PEAK1: variants seen among roughly 807,000 people sequenced by gnomAD.
The protein encoded by PEAK1 is pseudopodium enriched atypical kinase 1.
PEAK1 carries 54 observed loss-of-function variants against 124.7 expected under a neutral mutation model. The observed-to-expected ratio is 0.43, with a 90% CI of 0.35 to 0.54. The LOEUF (loss-of-function observed/expected upper bound fraction) is 0.54. Ranked by LOEUF, PEAK1 falls within the 20% of genes least tolerant of loss-of-function variation. PEAK1 has a pLI of 0.01. For synonymous variants in PEAK1, 719 were observed against 760.0 expected (o/e 0.95, Z 0.89); for missense variants, 2,046 against 2,134.5 (o/e 0.96, Z 0.82).
intron 6 of PEAK1, among the ~76,000 whole-genome samples, chr15:77,189,457 G>A (rs1424422225): frequency 6.6e-6 from 1 of 152,142 alleles, no homozygotes; most frequent in Non-Finnish European, 1.5e-5. Context: ...AGCAGCAGCA[G>A]CAGCACTGTC....
At chr15:77,234,609 T>C (rs1288076472) in intron 6 of PEAK1, among the ~76,000 whole-genome samples, 1 of 152,080 alleles carries the variant, frequency 6.6e-6, no homozygotes, top group Non-Finnish European at 1.5e-5. Context: ...TCTCTAAGTA[T>C]ACACAGAAAT....
intron 8 of PEAK1, among the ~76,000 whole-genome samples, chr15:77,135,482 T>C (rs539427986): frequency 2.6e-5 from 4 of 152,334 alleles, no homozygotes; most frequent in African/African-American, 9.6e-5. Flanking sequence ...CCATATGGTA[T>C]AGCCCACTGC....
chr15:77,353,158 G>A (rs577806651), intron 2 of PEAK1, among the ~76,000 whole-genome samples: 1 of 152,156 alleles, frequency 6.6e-6, no homozygotes, highest in Non-Finnish European at 1.5e-5. Context: ...GCTATTCTGT[G>A]GCAAAGGCAT....
chr15:77,211,592 T>G (rs1221788086), intron 6 of PEAK1, among the ~76,000 whole-genome samples: 1 of 152,142 alleles, frequency 6.6e-6, no homozygotes, highest in Non-Finnish European at 1.5e-5. Context: ...TTCACGCCTG[T>G]AATCCCAGCA....
rs983270963 is a variant in PEAK1 at position 77,193,357 on chromosome 15, T to G, written c.-114-11317A>C. Among the ~76,000 whole-genome samples, 6 of 152,232 alleles carry G rather than the reference T, an allele frequency of 3.9e-5. No individual in the cohort carries two copies. In the East Asian group the frequency reaches 1.2e-3, roughly 29 times the overall value. On this transcript the variant is annotated intron_variant, in intron 6 of 9. Coordinates refer to ENST00000682557, the MANE Select transcript of PEAK1 (RefSeq NM_001385026.1). ...CTTAAATTAGTTTTATTGATCTTGT[T>G]TGTACAGAAATAAAGGTGAATGCTC...
chr15:77,255,461 T>C, intron 5 of PEAK1: 1 of 823,682 alleles, frequency 1.2e-6, no homozygotes, highest in East Asian at 1.2e-4. Flanking sequence ...TTCTGTTTTA[T>C]TTCTTGACAA....
At chr15:77,264,273 G>A (rs868683646) in intron 5 of PEAK1, among the ~76,000 whole-genome samples, 1 of 151,850 alleles carries the variant, frequency 6.6e-6, no homozygotes, top group Non-Finnish European at 1.5e-5. Context: ...GGCAGGAGAA[G>A]GAAATAAAGG....
chr15:77,336,469 T>G, intron 2 of PEAK1: 3 of 985,422 alleles, frequency 3.0e-6, no homozygotes, highest in Non-Finnish European at 3.6e-6. Flanking sequence ...ACATAAATAA[T>G]TTGGCCGTTT....
intron 6 of PEAK1, among the ~76,000 whole-genome samples, chr15:77,230,659 A>G (rs983417440): frequency 6.6e-6 from 1 of 152,126 alleles, no homozygotes; most frequent in African/African-American, 2.4e-5. Flanking sequence ...CCAATTTGGA[A>G]AGCAAGGTGG....
Position 77,180,214 on chromosome 15 carries a change from T to A in PEAK1, c.1713A>T (p.Thr571=), listed in dbSNP as rs1182924763. 2 of 1,614,168 alleles carry A rather than the reference T, an allele frequency of 1.2e-6. No homozygotes were observed. Among genetic ancestry groups the A allele is most frequent in the East Asian group, 2.2e-5 (1 of 44,882 alleles). The change falls in exon 7 of 10, where the codon ACA becomes ACT. Residue 571 remains threonine (T), a synonymous_variant. Transcript: ENST00000682557. The part of the protein sequence containing the change: ...PRKNCHKSAP[T]SPTATNISSK... ...AGGAAATGTTTGTAGCTGTGGGTGA[T>A]GTAGGTGCTGATTTGTGACAGTTTT... is the stretch of plus-strand genomic sequence containing the variant.
intron 2 of PEAK1, among the ~76,000 whole-genome samples, chr15:77,309,694 T>C: frequency 6.6e-6 from 1 of 152,170 alleles, no homozygotes. Context: ...GCTTTTTAGA[T>C]CTGTGAGCTA....
At chr15:77,144,691 A>G (rs954577957) in intron 8 of PEAK1, among the ~76,000 whole-genome samples, 1 of 152,208 alleles carries the variant, frequency 6.6e-6, no homozygotes, top group Non-Finnish European at 1.5e-5. Context: ...CCACATGAGA[A>G]TCAGAAACTT....
At chr15:77,215,891 C>T (rs2059128027) in intron 6 of PEAK1, among the ~76,000 whole-genome samples, 1 of 143,342 alleles carries the variant, frequency 7.0e-6, no homozygotes, top group Non-Finnish European at 1.5e-5. Context: ...GATTTATGAT[C>T]AATTTTGAGA....
chr15:77,401,840 A>C, intron 1 of PEAK1: 1 of 984,268 alleles, frequency 1.0e-6, no homozygotes, highest in Non-Finnish European at 1.2e-6. Flanking sequence ...CATTAGGTAC[A>C]TCTTGCTTTA....
At position 77,244,019 on chromosome 15, in the gene PEAK1, T is replaced by C. The variant is rs114693086; in HGVS notation, c.-115+8348A>G. On this transcript the variant is annotated intron_variant, in intron 6 of 9. Transcript: ENST00000682557. ...GAAACCCACAGATGGTTGGCAAAAG[T>C]GATCACATTCAACTCCTACTTCTCT... is the stretch of plus-strand genomic sequence containing the variant. 7.3e-3 allele frequency among the ~76,000 whole-genome samples: 1,103 copies of C among 151,704 alleles called. 15 individuals carry two copies. Among genetic ancestry groups the C allele is most frequent in the African/African-American group, 0.025 (1,047 of 41,424 alleles).
chr15:77,397,904 A>C (rs1325708855), intron 1 of PEAK1, among the ~76,000 whole-genome samples: 1 of 151,978 alleles, frequency 6.6e-6, no homozygotes, highest in Admixed American at 6.5e-5. Flanking sequence ...TACTAAAAAT[A>C]CAAAAAAAAA....
At chr15:77,417,823 G>A (rs1257260446) in intron 1 of PEAK1, 1 of 985,314 alleles carries the variant, frequency 1.0e-6, no homozygotes, top group Non-Finnish European at 1.2e-6. Context: ...TATATGAAAT[G>A]TGCCAAAGCA....
intron 9 of PEAK1, among the ~76,000 whole-genome samples, chr15:77,129,056 G>C (rs1346807433): frequency 6.6e-6 from 1 of 152,134 alleles, no homozygotes; most frequent in East Asian, 1.9e-4. Flanking sequence ...GGCTAAATGA[G>C]GTCATAAGCA....
intron 6 of PEAK1, among the ~76,000 whole-genome samples, chr15:77,215,069 T>C (rs866751546): frequency 6.6e-6 from 1 of 152,208 alleles, no homozygotes; most frequent in Non-Finnish European, 1.5e-5. Context: ...CCACTTGCGA[T>C]ATATGAGAAT....
Sources: allele counts gnomAD v4.1 joint callset (sites outside exome capture counted in the v4.1 genomes callset), GRCh38; gene constraint gnomAD v4.1.1; transcripts MANE v1.5; gene names NCBI Gene and HGNC (gene_info 2026-07-23, HGNC 2026-07-21).